Variants in EFCAB13 observed in about 807,000 individuals in gnomAD.
EFCAB13 encodes the protein EF-hand calcium-binding domain-containing protein 13.
In EFCAB13, 91 loss-of-function variants were observed where a neutral mutation model predicts 110.2. That is an observed-to-expected ratio of 0.83 (90% CI 0.70 to 0.98). The LOEUF is 0.98. Ranked by LOEUF, EFCAB13 falls within the 50% of genes least tolerant of loss-of-function variation. The pLI is 0.00. For missense variants in EFCAB13, 968 were observed against 1,119.4 expected (o/e 0.86, Z 1.93); for synonymous variants, 323 against 369.9 (o/e 0.87, Z 1.45).
At chr17:47,348,015 A>C in intron 9 of EFCAB13, 64 bp downstream of exon 9, 2 of 1,236,028 alleles carry the variant, frequency 1.6e-6, no homozygotes, top group Non-Finnish European at 2.1e-6. Context: ...TGTCAGATTA[A>C]TTACAAATGA....
intron 3 of EFCAB13, among the ~76,000 whole-genome samples, chr17:47,327,602 A>G (rs909493505): frequency 2.0e-5 from 3 of 152,134 alleles, no homozygotes; most frequent in Non-Finnish European, 2.9e-5. Context: ...TTATAGGCGC[A>G]TGCCACCACG....
intron 14 of EFCAB13, among the ~76,000 whole-genome samples, chr17:47,388,139 T>C (rs2065686689): frequency 6.6e-6 from 1 of 152,206 alleles, no homozygotes; most frequent in Admixed American, 6.5e-5. Flanking sequence ...TCTCTTTTAG[T>C]TTCTAGCTGC....
chr17:47,415,893 T>A (rs890509907), intron 23 of EFCAB13, among the ~76,000 whole-genome samples: 7 of 152,050 alleles, frequency 4.6e-5, no homozygotes, highest in African/African-American at 1.7e-4. Flanking sequence ...GAGGTTCGTC[T>A]TATTCTTTTT....
chr17:47,378,366 C>T (rs184156912), intron 13 of EFCAB13, among the ~76,000 whole-genome samples: 10 of 152,268 alleles, frequency 6.6e-5, no homozygotes, highest in Admixed American at 1.3e-4. Flanking sequence ...ATATCCCAGT[C>T]ACTAGCCTAA....
Position 47,440,611 on chromosome 17 carries a change from A to G in EFCAB13, c.2819A>G (p.Lys940Arg). Residue 940 changes from lysine to arginine, a missense_variant, in exon 25 of 25, where the codon AAG becomes AGG. By Grantham distance (26) the Lys-to-Arg change is conservative. Coordinates refer to ENST00000331493, the MANE Select transcript of EFCAB13 (RefSeq NM_152347.5). ...DSIVKAQVSK[K>R]QYNMNIKQHK... ...ATAGTTAAAGCACAGGTAAGTAAGA[A>G]GCAATACAATATGAATATAAAACAA... 1 of 1,612,570 alleles carries G rather than the reference A, an allele frequency of 6.2e-7. No individual in the cohort carries two copies. The highest frequency in any genetic ancestry group is 8.5e-7 in the Non-Finnish European group (1 of 1,179,390).
In EFCAB13 at chr17:47,374,674, A is replaced by G. The variant is rs370954438; in HGVS notation, c.1080A>G (p.Pro360=). 4.0e-5 allele frequency: 64 copies of G among 1,611,860 alleles called. No homozygotes were observed. Among genetic ancestry groups the G allele is most frequent in the Non-Finnish European group, 5.4e-5 (64 of 1,179,548 alleles). ...MENDDLESKR[P]KNTWQIRKFL... is the part of the protein sequence containing the mutation. Reference sequence around the variant, plus strand: ...ATGATGACCTTGAATCTAAAAGACCAAAAAATACTTGGCAAATAAGAAAAT... The same window carrying G: ...ATGATGACCTTGAATCTAAAAGACCGAAAAATACTTGGCAAATAAGAAAAT... The change falls in exon 12 of 25, where the codon CCA becomes CCG. Residue 360 remains proline, a synonymous_variant. Transcript: ENST00000331493.
rs1184779983 is a variant in EFCAB13 at position 47,379,193 on chromosome 17, G to A, written c.1522G>A (p.Val508Met). 6.2e-7 allele frequency: 1 copy of A among 1,613,090 alleles called. No individual in the cohort carries two copies. The highest frequency in any genetic ancestry group is 8.5e-7 in the Non-Finnish European group (1 of 1,179,300). ...TDTSRNENGM[V>M]ELDDFVNALA... ...CTTTTTAAAAACAGAGAATGGAATG[G>A]TGGAGTTAGATGACTTTGTAAATGC... The change falls in exon 14 of 25, where the codon GTG becomes ATG. Residue 508 changes from valine to methionine, a missense_variant. Physicochemically the swap from Val to Met is conservative, Grantham distance 21. Coordinates refer to ENST00000331493, the MANE Select transcript of EFCAB13 (RefSeq NM_152347.5).
chr17:47,329,931 A>T (rs2065310047), intron 4 of EFCAB13: 1 of 152,186 alleles, frequency 6.6e-6, no homozygotes, highest in Non-Finnish European at 1.5e-5. Flanking sequence ...AAGACAAATG[A>T]TGCAGATTCT....
At chr17:47,359,374 A>G (rs79584561) in intron 9 of EFCAB13, among the ~76,000 whole-genome samples, 1 of 152,084 alleles carries the variant, frequency 6.6e-6, no homozygotes, top group Non-Finnish European at 1.5e-5. Flanking sequence ...GACTAATCGA[A>G]TGAACAAATA....
At chr17:47,377,153 C>T (rs1009090252) in intron 12 of EFCAB13, among the ~76,000 whole-genome samples, 5 of 151,926 alleles carry the variant, frequency 3.3e-5, no homozygotes, top group African/African-American at 9.7e-5. Context: ...ATTTCTTGGA[C>T]TCATTAATTT....
At chr17:47,415,959 GAGAACACCTACCAA>G (rs893822605) in intron 23 of EFCAB13, among the ~76,000 whole-genome samples, 14 of 151,942 alleles carry the variant, frequency 9.2e-5, no homozygotes, top group African/African-American at 3.4e-4. Context: ...CACATCTGCA[GAGAACACCTACCAA>G]AGAACTCTTC....
At chr17:47,361,646 T>G in intron 10 of EFCAB13, 125 bp downstream of exon 10, 5 of 742,736 alleles carry the variant, frequency 6.7e-6, no homozygotes, top group Non-Finnish European at 8.1e-6. Flanking sequence ...TCTTACCTTT[T>G]GCCATTGACA....
At chr17:47,363,609 G>A (rs2065529163) in intron 10 of EFCAB13, among the ~76,000 whole-genome samples, 1 of 152,138 alleles carries the variant, frequency 6.6e-6, no homozygotes, top group South Asian at 2.1e-4. Context: ...GATTATCAGA[G>A]GGGCTGATGT....
At chr17:47,339,458 T>C (rs896736228) in intron 5 of EFCAB13, among the ~76,000 whole-genome samples, 4 of 152,168 alleles carry the variant, frequency 2.6e-5, no homozygotes, top group Admixed American at 2.0e-4. Flanking sequence ...ATCCCTTGCA[T>C]GCACAGTTCA....
intron 15 of EFCAB13, 118 bp from the exon 16 acceptor site, chr17:47,393,907 G>GTAT: frequency 2.0e-6 from 1 of 512,472 alleles, no homozygotes; most frequent in Non-Finnish European, 3.4e-6. Context: ...TTATTGGTTA[G>GTAT]TATTACCTGA....
intron 20 of EFCAB13, among the ~76,000 whole-genome samples, chr17:47,407,434 G>A (rs914137895): frequency 6.6e-6 from 1 of 152,054 alleles, no homozygotes; most frequent in Non-Finnish European, 1.5e-5. Flanking sequence ...ATTCGACAGT[G>A]TAGATCTCAA....
intron 21 of EFCAB13, among the ~76,000 whole-genome samples, chr17:47,412,265 C>G (rs565497561): frequency 1.8e-4 from 28 of 152,244 alleles, no homozygotes; most frequent in Non-Finnish European, 3.1e-4. Flanking sequence ...AAATGCAGTT[C>G]ATACTCCAAG....
intron 23 of EFCAB13, among the ~76,000 whole-genome samples, chr17:47,423,711 C>G (rs1904812608): frequency 6.6e-6 from 1 of 151,730 alleles, no homozygotes; most frequent in Non-Finnish European, 1.5e-5. Context: ...GCGCCGGGAC[C>G]CGCGGGCGCC....
At chr17:47,394,559 A>G (rs1192174192) in intron 16 of EFCAB13, among the ~76,000 whole-genome samples, 1 of 152,192 alleles carries the variant, frequency 6.6e-6, no homozygotes, top group Non-Finnish European at 1.5e-5. Flanking sequence ...AAGTGTGGTA[A>G]TATGGAAAAG....
Sources: allele counts gnomAD v4.1 joint callset (sites outside exome capture counted in the v4.1 genomes callset), GRCh38; gene constraint gnomAD v4.1.1; transcripts MANE v1.5; gene names NCBI Gene and HGNC (gene_info 2026-07-23, HGNC 2026-07-21).